The following BRCC3 variants were observed in gnomAD, a reference collection of about 807,000 sequenced individuals.
The protein encoded by BRCC3 is BRCA1/BRCA2-containing complex subunit 3, also known as lys-63-specific deubiquitinase BRCC36.
BRCC3 carries 15 observed loss-of-function variants against 28.0 expected under a neutral mutation model. That is an observed-to-expected ratio of 0.54 (90% confidence interval 0.36 to 0.82). BRCC3 has a LOEUF of 0.82. Ranked by LOEUF, BRCC3 falls within the 40% of genes least tolerant of loss-of-function variation. BRCC3 has a pLI of 0.01. For synonymous variants in BRCC3, 66 were observed against 80.3 expected, an observed-to-expected ratio of 0.82 and a Z score of 0.95; for missense variants, 109 against 225.9, an observed-to-expected ratio of 0.48 and a Z score of 3.32.
chrX:155,093,018 C>T (rs782534934), intron 7 of BRCC3, among the ~76,000 whole-genome samples: 25 of 110,772 alleles, frequency 2.3e-4, no homozygotes, highest in African/African-American at 3.9e-4. Context: ...TTTAAACATC[C>T]AATGTTACTG....
intron 1 of BRCC3, among the ~76,000 whole-genome samples, chrX:155,071,888 C>T (rs922763523): frequency 6.2e-5 from 7 of 112,213 alleles, no homozygotes; most frequent in African/African-American, 2.3e-4. Context: ...TGCCCTTTCT[C>T]CTGTAGCCTG....
Position 155,098,524 on chromosome X carries a change from C to T in BRCC3, c.548+7685C>T, listed in dbSNP as rs182437209. ...GGGTCCACAAACTATAGCTTGTAGG[C>T]CAGGTTGGCCTGGGGCCTACATTTG... On this transcript the variant is annotated intron_variant, in intron 7 of 10. Transcript: ENST00000330045. Among the ~76,000 whole-genome samples, 565 of 111,947 alleles carry T rather than the reference C, an allele frequency of 5.0e-3. 4 individuals are homozygous for T. Among genetic ancestry groups the T allele is most frequent in the Non-Finnish European group, 9.1e-3 (485 of 53,138 alleles).
chrX:155,077,026 C>T, intron 3 of BRCC3, 144 bp from the exon 4 acceptor site: 2 of 471,163 alleles, frequency 4.2e-6, no homozygotes, highest in South Asian at 5.6e-5. Context: ...TTATTTGAAA[C>T]ATTTCATTAT....
rs371817972 is a variant in BRCC3, at chrX:155,089,365, A to ATGTG, written c.492+36_492+39dup. 713 of 924,671 alleles carry ATGTG rather than the reference A, an allele frequency of 7.7e-4. 1 individual carries two copies. Among genetic ancestry groups the ATGTG allele is most frequent in the Admixed American group, 3.1e-3 (109 of 35,379 alleles). 76.2% of individuals were successfully genotyped at this position (924,671 alleles called of 1,213,427 possible). ...AAGAACACAAAGGTATTGTGTGTGC[A>ATGTG]TGTGTGTGTGTGTGTGTGTGTGTGT... On this transcript the variant is annotated intron_variant, in intron 6 of 10. Transcript: ENST00000330045.
intron 4 of BRCC3, among the ~76,000 whole-genome samples, chrX:155,077,792 G>A (rs782033450): frequency 2.7e-5 from 3 of 112,005 alleles, no homozygotes; most frequent in African/African-American, 6.5e-5. Context: ...GTATGATTCC[G>A]AGTGTCCTGG....
intron 7 of BRCC3, among the ~76,000 whole-genome samples, chrX:155,102,044 A>G (rs1403275802): frequency 8.9e-6 from 1 of 112,423 alleles, no homozygotes; most frequent in Admixed American, 9.4e-5. Flanking sequence ...TATTACCACA[A>G]TATGTTTATC....
chrX:155,091,295 A>C (rs2074172805), intron 7 of BRCC3, among the ~76,000 whole-genome samples: 1 of 108,871 alleles, frequency 9.2e-6, no homozygotes, highest in Admixed American at 9.8e-5. Context: ...TTTTTGAGAC[A>C]GAGTCTCACT....
At chrX:155,105,264 C>A (rs1215882224) in intron 7 of BRCC3, among the ~76,000 whole-genome samples, 1 of 111,687 alleles carries the variant, frequency 9.0e-6, no homozygotes, top group Non-Finnish European at 1.9e-5. Context: ...GCGTGGATCA[C>A]TTGAGGTCAG....
chrX:155,089,392 GGGTC>G, intron 6 of BRCC3, 41 bp downstream of exon 6: 2 of 820,228 alleles, frequency 2.4e-6, no homozygotes, highest in Non-Finnish European at 3.5e-6. Flanking sequence ...TGTGTGTGTA[GGGTC>G]TGTGTGTGTG....
intron 7 of BRCC3, among the ~76,000 whole-genome samples, chrX:155,091,886 G>A (rs1380900170): frequency 1.8e-5 from 2 of 110,480 alleles, no homozygotes; most frequent in Admixed American, 9.6e-5. Flanking sequence ...AGAACAGTAA[G>A]CTATGATTTG....
At chrX:155,116,217 ACTTCTCAGGACCTAGTCTCTCTTTT>A in intron 8 of BRCC3, 29 bp downstream of exon 8, 1 of 1,143,528 alleles carries the variant, frequency 8.7e-7, no homozygotes, top group Non-Finnish European at 1.2e-6. Flanking sequence ...CCTCTTCTCT[ACTTCTCAGGACCTAGTCTCTCTTTT>A]CTTCTTCTGT....
chrX:155,104,960 G>A (rs1392803264), intron 7 of BRCC3, among the ~76,000 whole-genome samples: 1 of 112,395 alleles, frequency 8.9e-6, no homozygotes, highest in Non-Finnish European at 1.9e-5. Context: ...CCACTTCAGT[G>A]TGGTTATATG....
At chrX:155,090,946 C>T in intron 7 of BRCC3, 107 bp downstream of exon 7, 1 of 587,842 alleles carries the variant, frequency 1.7e-6, no homozygotes, top group Non-Finnish European at 2.8e-6. Context: ...CACTAAGACA[C>T]TGCATTTTTA....
At chrX:155,088,651 C>T (rs2074152496) in intron 5 of BRCC3, among the ~76,000 whole-genome samples, 1 of 111,538 alleles carries the variant, frequency 9.0e-6, no homozygotes, top group African/African-American at 3.3e-5. Context: ...CCACGCCTGG[C>T]CGTTTTTGGC....
intron 7 of BRCC3, among the ~76,000 whole-genome samples, chrX:155,114,529 T>C (rs1741008079): frequency 9.1e-6 from 1 of 110,256 alleles, no homozygotes; most frequent in Admixed American, 9.7e-5. Flanking sequence ...ATACTTACAT[T>C]ACTGAACTGT....
intron 3 of BRCC3, among the ~76,000 whole-genome samples, chrX:155,075,282 C>CTTTATGGT (rs1241236878): frequency 4.0e-5 from 2 of 49,836 alleles, no homozygotes; most frequent in Non-Finnish European, 6.0e-5. Context: ...AATGCTAAGC[C>CTTTATGGT]CACTCTTTCC....
At chrX:155,084,370 GTTTT>G (rs782783415) in intron 5 of BRCC3, among the ~76,000 whole-genome samples, 37 of 106,998 alleles carry the variant, frequency 3.5e-4, no homozygotes, top group Non-Finnish European at 6.4e-4. Context: ...TGTTTAAAAA[GTTTT>G]TTTTTTGAGA....
intron 7 of BRCC3, among the ~76,000 whole-genome samples, chrX:155,093,525 A>C (rs985260675): frequency 2.8e-5 from 3 of 106,767 alleles, no homozygotes; most frequent in South Asian, 4.4e-4. Context: ...TCTCATGGTC[A>C]GTGTTCTCCT....
intron 5 of BRCC3, among the ~76,000 whole-genome samples, chrX:155,081,591 CTACCTT>C (rs1474174481): frequency 8.9e-6 from 1 of 112,019 alleles, no homozygotes; most frequent in Non-Finnish European, 1.9e-5. Flanking sequence ...TAAAAACTAA[CTACCTT>C]TAACAGGAAA....
Sources: allele counts gnomAD v4.1 joint callset (sites outside exome capture counted in the v4.1 genomes callset), GRCh38; gene constraint gnomAD v4.1.1; transcripts MANE v1.5; gene names NCBI Gene and HGNC (gene_info 2026-07-23, HGNC 2026-07-21).